Variants in CD1B observed in about 807,000 individuals in gnomAD.
CD1B encodes the protein CD1b molecule, also known as T-cell surface glycoprotein CD1b.
A neutral mutation model predicts 39.8 loss-of-function variants in CD1B; 43 were observed. The observed-to-expected ratio is 1.08, with a 90% CI of 0.85 to 1.39. The LOEUF is 1.39. CD1B is among the 40% of genes most tolerant of loss of function. CD1B has a pLI of 0.00. For synonymous variants in CD1B, 192 were observed against 152.5 expected (o/e 1.26, Z -1.91); for missense variants, 495 against 403.8 (o/e 1.23, Z -1.94).
the CD1B span, among the ~76,000 whole-genome samples, chr1:158,288,896 C>T: frequency 6.6e-6 from 1 of 152,218 alleles, no homozygotes; most frequent in African/African-American, 2.4e-5. Context: ...TTGACAAATG[C>T]TGCCCTTTTT....
At chr1:158,312,597 A>G in the CD1B span, among the ~76,000 whole-genome samples, 3 of 152,148 alleles carry the variant, frequency 2.0e-5, no homozygotes, top group African/African-American at 7.2e-5. Context: ...ATTCTTAAGT[A>G]TCTTATATTT....
At position 158,330,968 on chromosome 1, in the gene CD1B, A is replaced by T. The variant is rs182660429; in HGVS notation, c.156T>A (p.Asp52Glu). 1.4e-5 allele frequency: 23 copies of T among 1,614,176 alleles called. No individual in the cohort carries two copies. In the East Asian group the frequency reaches 5.1e-4, roughly 36 times the overall value. ...CGCTATCCCAGCCATGAATCTGCAA[A>T]TCATCCAACCAGCCTGAGCCTTGAG... ...AQTQGSGWLD[D>E]LQIHGWDSDS... The change falls in exon 2 of 6, where the codon GAT becomes GAA. Residue 52 changes from aspartate (D) to glutamate (E), a missense_variant. Asp to Glu is a conservative substitution (Grantham distance 45). Coordinates refer to ENST00000368168, the MANE Select transcript of CD1B (RefSeq NM_001764.3).
chr1:158,301,422 G>T, the CD1B span, among the ~76,000 whole-genome samples: 2 of 152,092 alleles, frequency 1.3e-5, no homozygotes, highest in African/African-American at 2.4e-5. Context: ...GGAGTGTCTG[G>T]TACTGGTTGT....
At chr1:158,292,098 C>T in the CD1B span, 308 of 1,613,640 alleles carry the variant, frequency 1.9e-4, 2 homozygotes, top group Admixed American at 3.8e-3. Context: ...CTTTGAAGTA[C>T]AGGTGAAAGC....
the CD1B span, among the ~76,000 whole-genome samples, chr1:158,314,822 A>C: frequency 9.2e-6 from 1 of 108,754 alleles, no homozygotes; most frequent in African/African-American, 3.4e-5. Context: ...CCACCCCACA[A>C]CAGTCCCCAG....
chr1:158,313,672 G>T, the CD1B span, among the ~76,000 whole-genome samples: 1 of 152,110 alleles, frequency 6.6e-6, no homozygotes, highest in Non-Finnish European at 1.5e-5. Context: ...ATGAATGCTA[G>T]TCTCAAATAA....
chr1:158,321,882 C>T, the CD1B span, among the ~76,000 whole-genome samples: 1 of 152,140 alleles, frequency 6.6e-6, no homozygotes, highest in Non-Finnish European at 1.5e-5. Flanking sequence ...TTAACCCCAG[C>T]ATCCATTAGC....
At chr1:158,313,994 T>C in the CD1B span, among the ~76,000 whole-genome samples, 1 of 152,168 alleles carries the variant, frequency 6.6e-6, no homozygotes, top group African/African-American at 2.4e-5. Context: ...GTATTTATAT[T>C]ATATTATTTG....
chr1:158,300,558 C>T, the CD1B span, among the ~76,000 whole-genome samples: 1 of 152,208 alleles, frequency 6.6e-6, no homozygotes, highest in South Asian at 2.1e-4. Flanking sequence ...TCTTGTTGAT[C>T]TGCCTAATAT....
the CD1B span, among the ~76,000 whole-genome samples, chr1:158,295,663 G>C: frequency 6.6e-6 from 1 of 151,998 alleles, no homozygotes; most frequent in Non-Finnish European, 1.5e-5. Flanking sequence ...TATTTGGATG[G>C]GGCTAGACTG....
the CD1B span, chr1:158,291,013 T>C: frequency 1.9e-6 from 2 of 1,031,778 alleles, no homozygotes; most frequent in East Asian, 5.2e-5. Context: ...GAAAATGGTA[T>C]AGCTAAAGTA....
the CD1B span, chr1:158,292,340 A>T: frequency 6.2e-6 from 10 of 1,614,042 alleles, no homozygotes; most frequent in Non-Finnish European, 8.5e-6. Context: ...TCCTGGATGC[A>T]GGGAAGATGT....
At chr1:158,296,448 A>C in the CD1B span, among the ~76,000 whole-genome samples, 3 of 152,184 alleles carry the variant, frequency 2.0e-5, no homozygotes, top group South Asian at 6.2e-4. Context: ...AGGCCCCATC[A>C]AAAGGACAGC....
chr1:158,291,727 A>G, the CD1B span, among the ~76,000 whole-genome samples: 1 of 152,148 alleles, frequency 6.6e-6, no homozygotes, highest in African/African-American at 2.4e-5. Context: ...TCAAAGATCT[A>G]TGTCCACAGT....
At chr1:158,329,787 T>C in intron 3 of CD1B, 65 bp downstream of exon 3, 1 of 1,569,290 alleles carries the variant, frequency 6.4e-7, no homozygotes. Flanking sequence ...GCTCCTATCC[T>C]TTGATATCTT....
chr1:158,295,979 T>A, the CD1B span, among the ~76,000 whole-genome samples: 2 of 152,084 alleles, frequency 1.3e-5, no homozygotes, highest in South Asian at 2.1e-4. Context: ...CCCACTAGCC[T>A]ACATGCGTGC....
At chr1:158,301,273 A>T in the CD1B span, among the ~76,000 whole-genome samples, 1 of 151,922 alleles carries the variant, frequency 6.6e-6, no homozygotes, top group Non-Finnish European at 1.5e-5. Flanking sequence ...TTTAATTGTC[A>T]TATTTAGCTC....
the CD1B span, among the ~76,000 whole-genome samples, chr1:158,302,400 A>G: frequency 6.6e-6 from 1 of 152,110 alleles, no homozygotes; most frequent in African/African-American, 2.4e-5. Context: ...TAAGGAAAAA[A>G]AACCTAAAGC....
the CD1B span, among the ~76,000 whole-genome samples, chr1:158,316,223 A>G: frequency 6.6e-6 from 1 of 152,050 alleles, no homozygotes; most frequent in Non-Finnish European, 1.5e-5. Context: ...TGGGGATGGC[A>G]TTGAATCTGT....
Sources: allele counts gnomAD v4.1 joint callset (sites outside exome capture counted in the v4.1 genomes callset), GRCh38; gene constraint gnomAD v4.1.1; transcripts MANE v1.5; gene names NCBI Gene and HGNC (gene_info 2026-07-23, HGNC 2026-07-21).